Variants in ATXN10 observed in about 807,000 individuals in gnomAD.
ATXN10 encodes the protein ataxin-10.
Under a neutral mutation model 52.9 loss-of-function variants are expected in ATXN10, and 28 were observed. That is an observed-to-expected ratio of 0.53 (90% CI 0.39 to 0.73). The LOEUF (loss-of-function observed/expected upper bound fraction) is 0.73. Among genes scored for constraint, ATXN10 ranks in the 30% least tolerant of loss-of-function variants. The pLI is 0.00. For synonymous variants in ATXN10, 226 were observed against 221.5 expected, an observed-to-expected ratio of 1.02 and a Z score of -0.18; for missense variants, 565 against 577.0, an observed-to-expected ratio of 0.98 and a Z score of 0.21.
At position 45,774,785 on chromosome 22, in the gene ATXN10, T is replaced by C. The variant is rs1430221637; in HGVS notation, c.1174-32174T>C. Reference sequence around the variant, plus strand: ...CTGTCTCTACTAAAAATACAAAAATTAGCTGAGTGTGGTGGCACGCGCCTG... The same window carrying C: ...CTGTCTCTACTAAAAATACAAAAATCAGCTGAGTGTGGTGGCACGCGCCTG... On this transcript the variant is annotated intron_variant, in intron 9 of 11. Transcript: ENST00000252934. This position sits in a 1 kb window ranked among gnomAD's most constrained non-coding sequence, Gnocchi z 6.2. 6.6e-6 allele frequency among the ~76,000 whole-genome samples: 1 copy of C among 152,044 alleles called. No individual in the cohort carries two copies. Among genetic ancestry groups the C allele is most frequent in the East Asian group, 1.9e-4 (1 of 5,172 alleles).
chr22:45,770,309 A>G lies in ATXN10; in HGVS notation c.1173+29771A>G, dbSNP rs1334815548. 6.6e-6 allele frequency among the ~76,000 whole-genome samples: 1 copy of G among 152,210 alleles called. No homozygotes were observed. The highest frequency in any genetic ancestry group is 6.5e-5 in the Admixed American group (1 of 15,278). On this transcript the variant is annotated intron_variant, in intron 9 of 11. Transcript: ENST00000252934. The surrounding 1 kb of genome is among the most constrained non-coding windows in gnomAD (Gnocchi z 4.5). ...GAGATACGAAATGAATTCTTTGGTC[A>G]TAGTGAGAATTTTTTTAAAATGAGA...
At position 45,690,545 on chromosome 22, in the gene ATXN10, T is replaced by A. The variant is rs2146738445; in HGVS notation, c.308+642T>A. Among the ~76,000 whole-genome samples, 2 of 152,360 alleles carry A rather than the reference T, an allele frequency of 1.3e-5. No homozygotes were observed. The highest frequency in any genetic ancestry group is 1.3e-4 in the Admixed American group (2 of 15,298). ...CCTAGATTTTACCTGCCTAAGTTTATATGCAGTTCTTGACCTCAGGTTGTA... is the reference window on the plus strand; with the variant it reads ...CCTAGATTTTACCTGCCTAAGTTTAAATGCAGTTCTTGACCTCAGGTTGTA... On this transcript the variant is annotated intron_variant, in intron 2 of 11. Coordinates refer to ENST00000252934, the MANE Select transcript of ATXN10 (RefSeq NM_013236.4). This position sits in a 1 kb window ranked among gnomAD's most constrained non-coding sequence, Gnocchi z 4.5.
At position 45,823,586 on chromosome 22, in the gene ATXN10, T is replaced by C. The variant is rs1928723447; in HGVS notation, c.1237+16564T>C. Among the ~76,000 whole-genome samples the C allele has an allele frequency of 6.6e-6, 1 of 152,220 alleles. No homozygotes were observed. The highest frequency in any genetic ancestry group is 1.5e-5 in the Non-Finnish European group (1 of 68,046). ...GCTGTATTCTCTGTCCCTGGCCTGA[T>C]ACTATACTCTTGTAATCATCGTGAC... On this transcript the variant is annotated intron_variant, in intron 10 of 11. Transcript: ENST00000252934. This position sits in a 1 kb window ranked among gnomAD's most constrained non-coding sequence, Gnocchi z 4.9.
chr22:45,742,878 G>A (rs1481980166), intron 9 of ATXN10, among the ~76,000 whole-genome samples: 1 of 152,212 alleles, frequency 6.6e-6, no homozygotes, highest in East Asian at 1.9e-4. Flanking sequence ...AAAGAAAGTT[G>A]ATAGCGAATA....
Position 45,754,705 on chromosome 22 carries a change from A to C in ATXN10, c.1173+14167A>C, listed in dbSNP as rs573093814. 1.3e-5 allele frequency among the ~76,000 whole-genome samples: 2 copies of C among 152,330 alleles called. No homozygotes were observed. The highest frequency in any genetic ancestry group is 3.9e-4 in the East Asian group (2 of 5,180). On this transcript the variant is annotated intron_variant, in intron 9 of 11. Coordinates refer to ENST00000252934, the MANE Select transcript of ATXN10 (RefSeq NM_013236.4). This position sits in a 1 kb window ranked among gnomAD's most constrained non-coding sequence, Gnocchi z 5.4. ...CCGACTCTACTAAAAATACAAAAAAATTAGCCAGATATGGTGGCTCATGCC... is the reference window on the plus strand; with the variant it reads ...CCGACTCTACTAAAAATACAAAAAACTTAGCCAGATATGGTGGCTCATGCC...
rs1191969817 is a variant in ATXN10 at position 45,712,517 on chromosome 22, T to C, written c.648-5896T>C. 6.6e-6 allele frequency among the ~76,000 whole-genome samples: 1 copy of C among 152,212 alleles called. No homozygotes were observed. Among genetic ancestry groups the C allele is most frequent in the Non-Finnish European group, 1.5e-5 (1 of 68,040 alleles). The stretch of plus-strand genomic sequence containing the variant: ...GCCAGTGTCACACTGCCAGTGAGTG[T>C]TGGGCTGAGACTCAAACCCAGCTCT... On this transcript the variant is annotated intron_variant, in intron 5 of 11. Transcript: ENST00000252934. This position sits in a 1 kb window ranked among gnomAD's most constrained non-coding sequence, Gnocchi z 4.6.
chr22:45,697,662 C>T (rs759665089), intron 3 of ATXN10, among the ~76,000 whole-genome samples: 36 of 152,042 alleles, frequency 2.4e-4, no homozygotes, highest in Non-Finnish European at 2.6e-4. Flanking sequence ...GACAGAGTCT[C>T]GCTGTCGCCC....
chr22:45,725,823 A>T (rs772077609), intron 6 of ATXN10, among the ~76,000 whole-genome samples: 1 of 152,082 alleles, frequency 6.6e-6, no homozygotes, highest in Non-Finnish European at 1.5e-5. Flanking sequence ...GGCTTTTACT[A>T]TTTTGAGATA....
intron 10 of ATXN10, among the ~76,000 whole-genome samples, chr22:45,808,950 C>G (rs1928191918): frequency 6.6e-6 from 1 of 152,150 alleles, no homozygotes; most frequent in Admixed American, 6.5e-5. Flanking sequence ...ATATCACAAG[C>G]ATCTTTAGTG....
chr22:45,720,857 G>T (rs1924624026), intron 6 of ATXN10, among the ~76,000 whole-genome samples: 1 of 152,134 alleles, frequency 6.6e-6, no homozygotes, highest in African/African-American at 2.4e-5. Context: ...ACAGTCTGAG[G>T]CTGGGAAGTC....
At chr22:45,798,228 A>G (rs1927813018) in intron 9 of ATXN10, among the ~76,000 whole-genome samples, 1 of 152,196 alleles carries the variant, frequency 6.6e-6, no homozygotes, top group Non-Finnish European at 1.5e-5. Context: ...GGAACAAACA[A>G]AGTAACTACA....
rs571405611 is a variant in ATXN10 at position 45,781,198 on chromosome 22, C to A, written c.1174-25761C>A. Among the ~76,000 whole-genome samples the A allele has an allele frequency of 6.6e-6, 1 of 152,192 alleles. No homozygotes were observed. Among genetic ancestry groups the A allele is most frequent in the Non-Finnish European group, 1.5e-5 (1 of 68,022 alleles). On this transcript the variant is annotated intron_variant, in intron 9 of 11. Transcript: ENST00000252934. This position sits in a 1 kb window ranked among gnomAD's most constrained non-coding sequence, Gnocchi z 4.2. ...AATGGGGAGCCGAAACAGAAACCTT[C>A]CCCTGGTTATAATGAGGCACCCCTC...
intron 10 of ATXN10, 116 bp downstream of exon 10, chr22:45,807,138 T>G (rs777762483): frequency 1.2e-6 from 1 of 841,600 alleles, no homozygotes; most frequent in African/African-American, 1.7e-5. Context: ...GCTTGTTTAC[T>G]TGTTCCTGAG....
chr22:45,740,612 CTTTTG>C, intron 9 of ATXN10, 74 bp downstream of exon 9: 7 of 1,477,724 alleles, frequency 4.7e-6, no homozygotes, highest in Non-Finnish European at 5.7e-6. Context: ...GACATTCACT[CTTTTG>C]GAGTGAAAGC....
intron 10 of ATXN10, among the ~76,000 whole-genome samples, chr22:45,830,762 A>C (rs1435934135): frequency 6.6e-6 from 1 of 152,086 alleles, no homozygotes; most frequent in African/African-American, 2.4e-5. Flanking sequence ...TACTGATGGG[A>C]ATGTAAAATG....
rs1339876391 is a variant in ATXN10, at chr22:45,728,825, T to C, written c.729-600T>C. 6.6e-6 allele frequency among the ~76,000 whole-genome samples: 1 copy of C among 152,172 alleles called. No individual in the cohort carries two copies. Among genetic ancestry groups the C allele is most frequent in the Admixed American group, 6.5e-5 (1 of 15,276 alleles). On this transcript the variant is annotated intron_variant, in intron 6 of 11. Coordinates refer to ENST00000252934, the MANE Select transcript of ATXN10 (RefSeq NM_013236.4). This position sits in a 1 kb window ranked among gnomAD's most constrained non-coding sequence, Gnocchi z 4.3. ...TCTTCAGATTTGTGTTTGTGTAAAC[T>C]AAAATAAATAGTAAAGTTTCACAGT... is the stretch of plus-strand genomic sequence containing the variant.
In ATXN10 at chr22:45,842,791, C is replaced by A. The variant is rs1601681714; in HGVS notation, c.1238-200C>A. ...ACATCACACACACATGCTGGATGTA[C>A]ATGTGCATATGCCTGCGTTGCCTCT... On this transcript the variant is annotated intron_variant, in intron 10 of 11. Transcript: ENST00000252934. The surrounding 1 kb of genome is among the most constrained non-coding windows in gnomAD (Gnocchi z 4.8). Among the ~76,000 whole-genome samples, 1 of 152,330 alleles carries A rather than the reference C, an allele frequency of 6.6e-6. No homozygotes were observed. The highest frequency in any genetic ancestry group is 2.4e-5 in the African/African-American group (1 of 41,572).
intron 9 of ATXN10, among the ~76,000 whole-genome samples, chr22:45,756,003 C>G (rs1926160785): frequency 6.6e-6 from 1 of 151,780 alleles, no homozygotes. Context: ...AGCCACCCAC[C>G]CACCTCCTCC....
In ATXN10 at chr22:45,736,190, A is replaced by C. The variant is rs372605595; in HGVS notation, c.895-2541A>C. On this transcript the variant is annotated intron_variant, in intron 7 of 11. Coordinates refer to ENST00000252934, the MANE Select transcript of ATXN10 (RefSeq NM_013236.4). ...TAGACTAAGAAGAAAGTGTACTTATACTCCATATGCCATCCCCTGGCTTCA... is the reference window on the plus strand; with the variant it reads ...TAGACTAAGAAGAAAGTGTACTTATCCTCCATATGCCATCCCCTGGCTTCA... 5.3e-5 allele frequency among the ~76,000 whole-genome samples: 8 copies of C among 151,934 alleles called. No individual in the cohort carries two copies. The East Asian group carries it at 9.7e-4, about 18-fold the overall frequency.
Sources: allele counts gnomAD v4.1 joint callset (sites outside exome capture counted in the v4.1 genomes callset), GRCh38; gene constraint gnomAD v4.1.1; non-coding constraint Gnocchi (gnomAD v3.1); transcripts MANE v1.5; gene names NCBI Gene and HGNC (gene_info 2026-07-23, HGNC 2026-07-21).